EML6: variants seen among roughly 807,000 people sequenced by gnomAD.
The protein encoded by EML6 is echinoderm microtubule-associated protein-like 6.
EML6 carries 154 observed loss-of-function variants against 240.1 expected under a neutral mutation model. The observed-to-expected ratio is 0.64, with a 90% CI of 0.56 to 0.73. EML6 has a LOEUF of 0.73. Among genes scored for constraint, EML6 ranks in the 30% least tolerant of loss-of-function variants. The pLI, the probability that EML6 is intolerant of heterozygous loss-of-function variation, is 0.00. For synonymous variants in EML6, 1,148 were observed against 899.0 expected, an observed-to-expected ratio of 1.28 and a Z score of -4.95; for missense variants, 2,964 against 2,474.6, an observed-to-expected ratio of 1.20 and a Z score of -4.20.
intron 18 of EML6, among the ~76,000 whole-genome samples, chr2:54,892,102 C>A (rs780688813): frequency 2.8e-4 from 43 of 152,174 alleles, no homozygotes; most frequent in Non-Finnish European, 4.9e-4. Flanking sequence ...TTGGCTGACA[C>A]AGAACTTGTG....
intron 7 of EML6, among the ~76,000 whole-genome samples, chr2:54,840,064 A>G (rs1669360299): frequency 6.6e-6 from 1 of 152,254 alleles, no homozygotes; most frequent in African/African-American, 2.4e-5. Flanking sequence ...TTGGAAAATC[A>G]TTAACTCTTT....
In EML6 at chr2:54,725,030, G is replaced by A. The variant is rs574449759; in HGVS notation, c.-32G>A. On this transcript the variant is annotated 5_prime_UTR_variant, in exon 2 of 42. Transcript: ENST00000356458. This position sits in a 1 kb window ranked among gnomAD's most constrained non-coding sequence, Gnocchi z 4.3. ...TCGGCGAGGACGGCCCCGGCGCGCG[G>A]GGGGGCGGGGGGCGCGCGGGGTCGG... 7 of 1,475,562 alleles carry A rather than the reference G, an allele frequency of 4.7e-6. No individual in the cohort carries two copies. The highest frequency in any genetic ancestry group is 6.3e-6 in the Non-Finnish European group (7 of 1,114,068). The allele number at this position is 1,475,562 out of a possible 1,614,324, so 91.4% of individuals were successfully genotyped here. A position where few individuals can be genotyped will look rare whatever the true frequency, so the allele number is the denominator to read the frequency against.
chr2:54,792,986 G>A (rs1183075042), intron 2 of EML6, among the ~76,000 whole-genome samples: 1 of 152,186 alleles, frequency 6.6e-6, no homozygotes, highest in Non-Finnish European at 1.5e-5. Flanking sequence ...TTGATCTTTA[G>A]GCTTGGTGGA....
At chr2:54,805,748 C>G (rs562947318) in intron 2 of EML6, among the ~76,000 whole-genome samples, 1 of 152,198 alleles carries the variant, frequency 6.6e-6, no homozygotes, top group Admixed American at 6.5e-5. Context: ...CATTATCTTT[C>G]AGAGGTCACA....
intron 17 of EML6, chr2:54,880,391 G>A (rs940160626): frequency 2.0e-5 from 3 of 152,112 alleles, no homozygotes; most frequent in Non-Finnish European, 4.4e-5. Flanking sequence ...TCTGTCTTGC[G>A]ATATAAAATC....
At chr2:54,914,436 A>C (rs532450279) in intron 25 of EML6, among the ~76,000 whole-genome samples, 1 of 152,358 alleles carries the variant, frequency 6.6e-6, no homozygotes, top group South Asian at 2.1e-4. Flanking sequence ...AATGTAATTT[A>C]ACCAAATGGT....
intron 25 of EML6, among the ~76,000 whole-genome samples, chr2:54,914,990 A>T (rs1368998256): frequency 6.6e-6 from 1 of 152,130 alleles, no homozygotes; most frequent in Non-Finnish European, 1.5e-5. Context: ...CAGTGATGTA[A>T]CCTGTCTGTG....
At chr2:54,831,387 GC>G (rs1668861972) in intron 7 of EML6, among the ~76,000 whole-genome samples, 1 of 152,216 alleles carries the variant, frequency 6.6e-6, no homozygotes, top group Non-Finnish European at 1.5e-5. Flanking sequence ...GAGTCCTTGA[GC>G]CTGGCTCTCC....
At chr2:54,931,794 C>G (rs1282683266) in intron 28 of EML6, among the ~76,000 whole-genome samples, 1 of 152,176 alleles carries the variant, frequency 6.6e-6, no homozygotes, top group African/African-American at 2.4e-5. Context: ...TGTTTTGTCA[C>G]TTAGCAATGT....
chr2:54,770,709 C>T (rs1668368002), intron 2 of EML6, among the ~76,000 whole-genome samples: 1 of 152,176 alleles, frequency 6.6e-6, no homozygotes, highest in South Asian at 2.1e-4. Context: ...GGGGTAATCA[C>T]ATCTCTGTCG....
At chr2:54,822,386 A>G (rs1668374018) in intron 5 of EML6, among the ~76,000 whole-genome samples, 1 of 152,188 alleles carries the variant, frequency 6.6e-6, no homozygotes, top group Non-Finnish European at 1.5e-5. Flanking sequence ...ATATCTTAGA[A>G]TCTATCCCAA....
chr2:54,967,430 A>T lies in EML6; in HGVS notation c.5597+327A>T, dbSNP rs909345584. Among the ~76,000 whole-genome samples the T allele has an allele frequency of 4.6e-5, 7 of 152,290 alleles. No homozygotes were observed. The South Asian group carries it at 1.5e-3, about 32-fold the overall frequency. On this transcript the variant is annotated intron_variant, in intron 39 of 41. Transcript: ENST00000356458. ...AGTGAGGCCTCCATTCGCTAGGGGA[A>T]GGGAGTGGGAGGGCCAGACCCCGGC...
intron 21 of EML6, among the ~76,000 whole-genome samples, chr2:54,898,822 G>C (rs1239175530): frequency 6.6e-6 from 1 of 152,152 alleles, no homozygotes; most frequent in African/African-American, 2.4e-5. Context: ...TTGCTCTGTA[G>C]CACTAATCTT....
chr2:54,961,517 G>T lies in EML6; in HGVS notation c.4969-1006G>T, dbSNP rs905864404. ...GCAGATTTTTGTTCAGTGGAAGGAA[G>T]AACTTACTAAGAGCTTGAGCTGTCC... On this transcript the variant is annotated intron_variant, in intron 35 of 41. Transcript: ENST00000356458. 2.0e-5 allele frequency among the ~76,000 whole-genome samples: 3 copies of T among 151,788 alleles called. No individual in the cohort carries two copies. In the South Asian group the frequency reaches 6.2e-4, roughly 32 times the overall value.
intron 29 of EML6, 149 bp downstream of exon 29, chr2:54,949,109 C>A: frequency 1.5e-6 from 1 of 651,536 alleles, no homozygotes; most frequent in Admixed American, 2.4e-5. Flanking sequence ...CTACGTAGCA[C>A]TGTGTCTTCC....
At chr2:54,847,053 A>G (rs1669800935) in intron 8 of EML6, among the ~76,000 whole-genome samples, 1 of 151,412 alleles carries the variant, frequency 6.6e-6, no homozygotes, top group African/African-American at 2.4e-5. Context: ...GGCTACAGGC[A>G]CACACTACCA....
At chr2:54,902,940 G>A (rs550746575) in intron 22 of EML6, 104 bp from the exon 23 acceptor site, 24 of 1,004,674 alleles carry the variant, frequency 2.4e-5, no homozygotes, top group African/African-American at 6.5e-5. Context: ...AGGCAGTCAC[G>A]TGTCCATACA....
At position 54,775,210 on chromosome 2, in the gene EML6, C is replaced by T. The variant is rs542694563; in HGVS notation, c.198-38022C>T. 2.6e-5 allele frequency among the ~76,000 whole-genome samples: 4 copies of T among 152,160 alleles called. No individual in the cohort carries two copies. In the East Asian group the frequency reaches 7.7e-4, roughly 29 times the overall value. On this transcript the variant is annotated intron_variant, in intron 2 of 41. Transcript: ENST00000356458. ...CTTACCAATTCCTTTTACTCTCAAC[C>T]CTTGCTGCCCAGTGTATTGACAGTG...
Position 54,839,566 on chromosome 2 carries a change from C to G in EML6, c.848-4481C>G, listed in dbSNP as rs940883721. ...ATGTAGCAACTCCTTCTCTTGTTCT[C>G]TTCCCTTCCACCCATGTGTAGCCAG... On this transcript the variant is annotated intron_variant, in intron 7 of 41. Coordinates refer to ENST00000356458, the MANE Select transcript of EML6 (RefSeq NM_001039753.4). 2.0e-5 allele frequency among the ~76,000 whole-genome samples: 3 copies of G among 152,394 alleles called. No individual in the cohort carries two copies. The East Asian group carries it at 5.8e-4, about 29-fold the overall frequency.
Sources: gnomAD v4.1 joint callset for allele counts (sites outside exome capture counted in the v4.1 genomes callset) on GRCh38, gnomAD v4.1.1 for gene constraint, Gnocchi (gnomAD v3.1) non-coding constraint, MANE v1.5 for transcripts, NCBI Gene and HGNC (gene_info 2026-07-23, HGNC 2026-07-21) for gene names.